The following RNF213 variants were observed in gnomAD, a reference collection of about 807,000 sequenced individuals.
The protein encoded by RNF213 is ring finger protein 213.
A neutral mutation model predicts 514.4 loss-of-function variants in RNF213; 341 were observed. The ratio of observed to expected loss-of-function variants is 0.66; its 90% CI spans 0.61 to 0.73. The LOEUF (loss-of-function observed/expected upper bound fraction) is 0.73, where lower values mean the gene tolerates loss of function less well. Among genes scored for constraint, RNF213 ranks in the 30% least tolerant of loss-of-function variants. The probability of loss-of-function intolerance (pLI) is 0.00; values close to 1 mark genes in which losing one functional copy is unlikely to be tolerated. For missense variants in RNF213, 5,767 were observed against 6,615.6 expected, an observed-to-expected ratio of 0.87 and a Z score of 4.45; for synonymous variants, 2,655 against 2,658.2, an observed-to-expected ratio of 1.00 and a Z score of 0.04.
intron 2 of RNF213, among the ~76,000 whole-genome samples, chr17:80,270,205 ACCT>A (rs2145123149): frequency 6.6e-6 from 1 of 152,328 alleles, no homozygotes; most frequent in South Asian, 2.1e-4. Context: ...TGGAGGACGG[ACCT>A]CAGCAGCCTC....
chr17:80,342,215 G>A (rs1004687115), intron 26 of RNF213, among the ~76,000 whole-genome samples: 15 of 152,322 alleles, frequency 9.8e-5, no homozygotes, highest in South Asian at 2.1e-4. Context: ...CACCTAGCTC[G>A]GGTGTGTGGT....
At chr17:80,266,156 A>G (rs1208534358) in intron 2 of RNF213, among the ~76,000 whole-genome samples, 1 of 151,628 alleles carries the variant, frequency 6.6e-6, no homozygotes, top group Non-Finnish European at 1.5e-5. Flanking sequence ...AAGGTGGCCC[A>G]CCTTACTAGG....
intron 11 of RNF213, among the ~76,000 whole-genome samples, chr17:80,305,617 C>CTT (rs35037970): frequency 7.5e-4 from 110 of 145,726 alleles, no homozygotes; most frequent in African/African-American, 1.9e-3. Flanking sequence ...TTTTTCTTTC[C>CTT]TTTTTTTTTT....
At chr17:80,348,425 C>T (rs897920577) in intron 29 of RNF213, 139 bp downstream of exon 29, 15 of 1,257,242 alleles carry the variant, frequency 1.2e-5, no homozygotes, top group East Asian at 2.4e-5. Flanking sequence ...CTCTCCTCCG[C>T]GGTAAGTGTG....
intron 67 of RNF213, among the ~76,000 whole-genome samples, chr17:80,391,300 TCTCA>T (rs1478462286): frequency 6.6e-6 from 1 of 152,184 alleles, no homozygotes; most frequent in African/African-American, 2.4e-5. Flanking sequence ...TGAGACCGTG[TCTCA>T]CTCCCACCCA....
At chr17:80,379,517 C>CTCACGTCTGCCGGTGATAAGGAGGTGT in intron 54 of RNF213, 103 bp from the exon 55 acceptor site, 3 of 1,082,134 alleles carry the variant, frequency 2.8e-6, no homozygotes, top group Non-Finnish European at 4.3e-6. Flanking sequence ...TCTGAGGGTG[C>CTCACGTCTGCCGGTGATAAGGAGGTGT]TCACGTCTGC....
intron 62 of RNF213, 61 bp downstream of exon 62, chr17:80,386,491 G>A (rs1357998124): frequency 2.1e-5 from 33 of 1,576,718 alleles, no homozygotes; most frequent in Non-Finnish European, 2.5e-5. Context: ...AAGCCCAGTG[G>A]GGCAGACACA....
chr17:80,385,627 T>TG lies in RNF213; in HGVS notation c.14539+6_14539+7insG. 3.7e-6 allele frequency: 6 copies of TG among 1,613,020 alleles called. No homozygotes were observed. In the South Asian group the frequency reaches 6.6e-5, roughly 18 times the overall value. On this transcript the variant is annotated splice_region_variant and intron_variant, in intron 61 of 67. Transcript: ENST00000582970. Reference sequence around the variant, plus strand: ...GAGATCGCTTGAGACGAACGGTTAGTATCCTGTCCCCTGTACCACTAAGCG... The same window carrying TG: ...GAGATCGCTTGAGACGAACGGTTAGTGATCCTGTCCCCTGTACCACTAAGCG...
In RNF213 at chr17:80,290,642, T is replaced by C; in HGVS notation, c.1185T>C (p.Pro395=). 1 of 1,614,174 alleles carries C rather than the reference T, an allele frequency of 6.2e-7. No homozygotes were observed. Among genetic ancestry groups the C allele is most frequent in the Non-Finnish European group, 8.5e-7 (1 of 1,180,028 alleles). Reference sequence around the variant, plus strand: ...TCTCTCTTCATTTCCCATTCAATCCTGACCTCCATAAAGTCTTCATCAGAG... The same window carrying C: ...TCTCTCTTCATTTCCCATTCAATCCCGACCTCCATAAAGTCTTCATCAGAG... ...AIISLHFPFN[P]DLHKVFIRGG... is the part of the protein sequence containing the mutation. Residue 395 remains proline (P), a synonymous_variant, in exon 7 of 68, where the codon CCT becomes CCC. Coordinates refer to ENST00000582970, the MANE Select transcript of RNF213 (RefSeq NM_001256071.3).
Position 80,388,592 on chromosome 17 carries a change from T to C in RNF213, c.14923-20T>C. ...CACGATGGATTTAATTTTAAAAAAC[T>C]TTTTTCTTTCCCAATTTAGGGAATA... is the stretch of plus-strand genomic sequence containing the variant. On this transcript the variant is annotated intron_variant, in intron 63 of 67. Coordinates refer to ENST00000582970, the MANE Select transcript of RNF213 (RefSeq NM_001256071.3). 1.9e-6 allele frequency: 3 copies of C among 1,565,342 alleles called. No individual in the cohort carries two copies. Among genetic ancestry groups the C allele is most frequent in the Non-Finnish European group, 2.6e-6 (3 of 1,136,778 alleles).
In RNF213 at chr17:80,332,613, C is replaced by A; in HGVS notation, c.4125C>A (p.Leu1375=). The A allele has an allele frequency of 6.7e-7, 1 of 1,497,258 alleles. No homozygotes were observed. Among genetic ancestry groups the A allele is most frequent in the South Asian group, 1.3e-5 (1 of 77,658 alleles). The allele number at this position is 1,497,258 out of a possible 1,614,324, so 92.7% of individuals were successfully genotyped here. ...SLGLNGDFSV[L]NTLLNFTDNF... ...GACTGAACGGTGACTTCAGTGTTCT[C>A]AACACTTTACTAAATTTTGTAAGTT... Residue 1375 remains leucine (L), a synonymous_variant, in exon 21 of 68, where the codon CTC becomes CTA. Transcript: ENST00000582970.
At position 80,313,121 on chromosome 17, in the gene RNF213, T is replaced by C. The variant is rs1420482307; in HGVS notation, c.2765T>C (p.Met922Thr). Residue 922 changes from methionine to threonine, a missense_variant, in exon 15 of 68, where the codon ATG (methionine) becomes ACG (threonine). Physicochemically the swap from Met to Thr is moderately conservative, Grantham distance 81. This residue lies in a region of RNF213 where 592 missense variants were observed against 673.9 expected (regional missense o/e 0.88). Coordinates refer to ENST00000582970, the MANE Select transcript of RNF213 (RefSeq NM_001256071.3). ...CTCCGAGAAGTTTTTACAAAGAACATGCTCACATCTTCAGGTGCCTCATTC... is the reference window on the plus strand; with the variant it reads ...CTCCGAGAAGTTTTTACAAAGAACACGCTCACATCTTCAGGTGCCTCATTC... The part of the protein sequence containing the change: ...RWLREVFTKN[M>T]LTSSGASFTY... 1.9e-6 allele frequency: 3 copies of C among 1,614,166 alleles called. No individual in the cohort carries two copies. The highest frequency in any genetic ancestry group is 2.2e-5 in the South Asian group (2 of 91,088).
chr17:80,265,935 G>A lies in RNF213; in HGVS notation c.97+2157G>A, dbSNP rs1463781387. On this transcript the variant is annotated intron_variant, in intron 2 of 67. Transcript: ENST00000582970. ...ACAAGAAAAAAAAAGTGAGGACATT[G>A]GGTGGCAAAGGAAGGGATCCTTCAA... Among the ~76,000 whole-genome samples the A allele has an allele frequency of 5.9e-5, 9 of 152,234 alleles. No individual in the cohort carries two copies. The East Asian group carries it at 1.7e-3, about 29-fold the overall frequency.
At chr17:80,278,660 T>A in intron 3 of RNF213, 1 of 1,425,598 alleles carries the variant, frequency 7.0e-7, no homozygotes, top group East Asian at 2.5e-5. Flanking sequence ...GCCTGGGCCT[T>A]CCCAAGAGGA....
chr17:80,269,844 C>G (rs1369958792), intron 2 of RNF213, among the ~76,000 whole-genome samples: 1 of 152,210 alleles, frequency 6.6e-6, no homozygotes, highest in Non-Finnish European at 1.5e-5. Context: ...CTGGATAACC[C>G]TGTTCTATAC....
chr17:80,323,986 T>C (rs1266106857), intron 17 of RNF213, among the ~76,000 whole-genome samples: 1 of 152,162 alleles, frequency 6.6e-6, no homozygotes, highest in East Asian at 1.9e-4. Context: ...TGCGTGTGTG[T>C]GTGTGTGTGC....
At chr17:80,285,797 AG>A (rs1212200895) in intron 3 of RNF213, among the ~76,000 whole-genome samples, 1 of 151,690 alleles carries the variant, frequency 6.6e-6, no homozygotes, top group Admixed American at 6.6e-5. Flanking sequence ...CAGCCTCCCA[AG>A]TAGCTGGGAT....
In RNF213 at chr17:80,263,611, G is replaced by A; in HGVS notation, c.-71G>A. ...AAGCCGTGGTCACGTGACAGGACAT[G>A]TAGTATATAGCAGGCTGCCAGCGAC... On this transcript the variant is annotated 5_prime_UTR_variant, in exon 2 of 68. The change abolishes an upstream ATG in the 5' untranslated region. Coordinates refer to ENST00000582970, the MANE Select transcript of RNF213 (RefSeq NM_001256071.3). This position sits in a 1 kb window ranked among gnomAD's most constrained non-coding sequence, Gnocchi z 4.9. The A allele has an allele frequency of 8.5e-7, 1 of 1,180,460 alleles. No individual in the cohort carries two copies. The highest frequency in any genetic ancestry group is 1.3e-6 in the Non-Finnish European group (1 of 783,980). The allele number at this position is 1,180,460 out of a possible 1,614,324, so 73.1% of individuals were successfully genotyped here. A position where few individuals can be genotyped will look rare whatever the true frequency, so the allele number is the denominator to read the frequency against.
intron 56 of RNF213, 162 bp from the exon 57 acceptor site, chr17:80,381,385 G>A (rs1478297238): frequency 4.7e-5 from 36 of 760,808 alleles, no homozygotes; most frequent in South Asian, 2.9e-4. Flanking sequence ...CAGCCGTTCC[G>A]CTTGCTAGCC....
Sources: gnomAD v4.1 joint callset for allele counts (sites outside exome capture counted in the v4.1 genomes callset) on GRCh38, gnomAD v4.1.1 for gene constraint, gnomAD v4.1.1 regional missense constraint, Gnocchi (gnomAD v3.1) non-coding constraint, MANE v1.5 for transcripts, NCBI Gene and HGNC (gene_info 2026-07-23, HGNC 2026-07-21) for gene names.